NSL1: variants seen among roughly 807,000 people sequenced by gnomAD.
NSL1 encodes kinetochore-associated protein NSL1 homolog.
A neutral mutation model predicts 25.4 loss-of-function variants in NSL1; 11 were observed. That is an observed-to-expected ratio of 0.43 (90% CI 0.27 to 0.72). The LOEUF (loss-of-function observed/expected upper bound fraction) is 0.72, where lower values mean the gene tolerates loss of function less well. Among genes scored for constraint, NSL1 ranks in the 30% least tolerant of loss-of-function variants. The pLI is 0.19. For synonymous variants in NSL1, 118 were observed against 120.6 expected (o/e 0.98, Z 0.14); for missense variants, 330 against 342.7 (o/e 0.96, Z 0.29).
At position 212,735,325 on chromosome 1, in the gene NSL1, T is replaced by G; in HGVS notation, c.*3083A>C. 1.0e-6 allele frequency: 1 copy of G among 985,366 alleles called. No homozygotes were observed. Among genetic ancestry groups the G allele is most frequent in the Non-Finnish European group, 1.2e-6 (1 of 829,884 alleles). 61.0% of individuals were successfully genotyped at this position (985,366 alleles called of 1,614,324 possible). Reference sequence around the variant, plus strand: ...CTTTTGATCCGAGTAGGTGTCCAACTGTATGTGTTGAACAGATGAATAAAT... The same window carrying G: ...CTTTTGATCCGAGTAGGTGTCCAACGGTATGTGTTGAACAGATGAATAAAT... On this transcript the variant is annotated 3_prime_UTR_variant, in exon 6 of 6. Coordinates refer to ENST00000366977, the MANE Select transcript of NSL1 (RefSeq NM_015471.4).
chr1:212,779,137 T>G (rs1660541002), intron 4 of NSL1, among the ~76,000 whole-genome samples: 2 of 147,832 alleles, frequency 1.4e-5, no homozygotes, highest in South Asian at 4.4e-4. Context: ...AACCGCCCCA[T>G]CTGAGAAATG....
rs114619716 is a variant in NSL1 at position 212,740,878 on chromosome 1, C to T, written c.500-1277G>A. Among the ~76,000 whole-genome samples the T allele has an allele frequency of 3.8e-3, 575 of 152,076 alleles. 4 individuals are homozygous for T. Among genetic ancestry groups the T allele is most frequent in the African/African-American group, 0.013 (558 of 41,480 alleles). On this transcript the variant is annotated intron_variant, in intron 4 of 5. Transcript: ENST00000366977. ...AACAAAATTGATGGCATAGTGATTA[C>T]CATAATATAAAAACAATGAGTGTAA...
Position 212,731,103 on chromosome 1 carries a change from T to G in NSL1, c.*7305A>C. ...TCATATAAAATCCCCAAGAACCCCC[T>G]TCAGTGGTTCTCTAGAGAGATATTT... is the stretch of plus-strand genomic sequence containing the variant. On this transcript the variant is annotated 3_prime_UTR_variant, in exon 6 of 6. Transcript: ENST00000366977. 2.0e-6 allele frequency: 2 copies of G among 984,674 alleles called. No individual in the cohort carries two copies. Among genetic ancestry groups the G allele is most frequent in the South Asian group, 4.7e-5 (1 of 21,270 alleles). The allele number at this position is 984,674 out of a possible 1,614,324, so 61.0% of individuals were successfully genotyped here. A position where few individuals can be genotyped will look rare whatever the true frequency, so the allele number is the denominator to read the frequency against.
chr1:212,747,351 G>A (rs550387491), intron 4 of NSL1, among the ~76,000 whole-genome samples: 1 of 152,150 alleles, frequency 6.6e-6, no homozygotes, highest in Non-Finnish European at 1.5e-5. Flanking sequence ...CAGATCATTC[G>A]TCCTGCAAGA....
intron 4 of NSL1, chr1:212,766,274 C>T (rs1354587480): frequency 1.3e-5 from 8 of 630,278 alleles, no homozygotes; most frequent in Non-Finnish European, 2.0e-5. Context: ...CCGTTGAGAA[C>T]TGGAACAAGA....
At chr1:212,756,562 G>A (rs944744427) in intron 4 of NSL1, among the ~76,000 whole-genome samples, 10 of 152,190 alleles carry the variant, frequency 6.6e-5, no homozygotes, top group African/African-American at 2.4e-4. Flanking sequence ...GCTCATGCCT[G>A]TAATCCCAGA....
intron 4 of NSL1, among the ~76,000 whole-genome samples, chr1:212,745,806 T>C (rs1479878269): frequency 1.4e-5 from 2 of 144,588 alleles, no homozygotes; most frequent in Non-Finnish European, 3.0e-5. Flanking sequence ...CTACCAAAAA[T>C]ACAAAAAAAT....
chr1:212,733,985 T>A lies in NSL1; in HGVS notation c.*4423A>T, dbSNP rs1203647037. Among the ~76,000 whole-genome samples, 1 of 152,180 alleles carries A rather than the reference T, an allele frequency of 6.6e-6. No homozygotes were observed. Among genetic ancestry groups the A allele is most frequent in the Non-Finnish European group, 1.5e-5 (1 of 68,034 alleles). On this transcript the variant is annotated 3_prime_UTR_variant, in exon 6 of 6. Transcript: ENST00000366977. ...TTTTCTAATTTGCCATTTCTTAATC[T>A]TTCTGTTTTATTTTTGGGAAAATTT...
rs985697521 is a variant in NSL1, at chr1:212,732,768, G to A, written c.*5640C>T. 19 of 421,448 alleles carry A rather than the reference G, an allele frequency of 4.5e-5. No homozygotes were observed. The highest frequency in any genetic ancestry group is 6.5e-5 in the African/African-American group (3 of 46,272). The allele number at this position is 421,448 out of a possible 1,614,324, so 26.1% of individuals were successfully genotyped here. A position where few individuals can be genotyped will look rare whatever the true frequency, so the allele number is the denominator to read the frequency against. ...ACAGCCCCTGGTAGAACCCCCAAAC[G>A]GGATGCCTTGGAGGTAATTTTTTTT... is the stretch of plus-strand genomic sequence containing the variant. On this transcript the variant is annotated 3_prime_UTR_variant, in exon 6 of 6. Coordinates refer to ENST00000366977, the MANE Select transcript of NSL1 (RefSeq NM_015471.4).
rs371171734 is a variant in NSL1 at position 212,779,529 on chromosome 1, A to G, written c.499+2843T>C. On this transcript the variant is annotated intron_variant, in intron 4 of 5. Transcript: ENST00000366977. ...AGGTGGGGGGGTCAGCCCCCCGCCCAGCCAGCCGCCCCGTCCGGGAGGGAG... is the reference window on the plus strand; with the variant it reads ...AGGTGGGGGGGTCAGCCCCCCGCCCGGCCAGCCGCCCCGTCCGGGAGGGAG... Among the ~76,000 whole-genome samples the G allele has an allele frequency of 4.3e-4, 31 of 71,734 alleles. No individual in the cohort carries two copies. The East Asian group carries it at 4.7e-3, about 11-fold the overall frequency. The allele number at this position is 71,734 out of a possible 152,430, so 47.1% of individuals were successfully genotyped here.
chr1:212,731,159 A>C lies in NSL1; in HGVS notation c.*7249T>G, dbSNP rs556473156. Reference sequence around the variant, plus strand: ...TTCAGAGACTTTCATAATATAATCTATTTGCAAAACAAATGGTCAGAGGGG... The same window carrying C: ...TTCAGAGACTTTCATAATATAATCTCTTTGCAAAACAAATGGTCAGAGGGG... On this transcript the variant is annotated 3_prime_UTR_variant, in exon 6 of 6. Transcript: ENST00000366977. The C allele has an allele frequency of 4.5e-5, 40 of 887,590 alleles. 1 individual carries two copies. In the African/African-American group the frequency reaches 8.1e-4, roughly 18 times the overall value. The allele number at this position is 887,590 out of a possible 1,614,324, so 55.0% of individuals were successfully genotyped here.
intron 4 of NSL1, among the ~76,000 whole-genome samples, chr1:212,747,404 T>C (rs1186018296): frequency 2.6e-5 from 4 of 152,236 alleles, no homozygotes; most frequent in Non-Finnish European, 5.9e-5. Flanking sequence ...AGGCCCACGT[T>C]GTAAGGAACT....
intron 4 of NSL1, among the ~76,000 whole-genome samples, chr1:212,745,711 C>A (rs1658759461): frequency 2.0e-5 from 3 of 152,064 alleles, no homozygotes; most frequent in Admixed American, 6.6e-5. Flanking sequence ...GCCTATAATC[C>A]CAGCACTTTG....
Position 212,791,559 on chromosome 1 carries a change from G to C in NSL1, c.205C>G (p.Arg69Gly), listed in dbSNP as rs965327615. 6.2e-6 allele frequency: 10 copies of C among 1,613,778 alleles called. No homozygotes were observed. The highest frequency in any genetic ancestry group is 8.5e-6 in the Non-Finnish European group (10 of 1,180,000). ...KLGDALPEEIREPALRDAQWT... is the reference protein window; with the variant it reads ...KLGDALPEEIGEPALRDAQWT... ...TGCGCATCTCGCAGAGCGGGCTCCC[G>C]AATCTCCTCCGGCAGAGCGTCCCCG... is the stretch of plus-strand genomic sequence containing the variant. Residue 69 changes from arginine (R) to glycine (G), a missense_variant, in exon 1 of 6, where the codon CGG (arginine) becomes GGG (glycine). Physicochemically the swap from Arg to Gly is moderately radical, Grantham distance 125 (BLOSUM62 -2). Transcript: ENST00000366977.
At chr1:212,771,944 C>A (rs1453285510) in intron 4 of NSL1, among the ~76,000 whole-genome samples, 1 of 152,154 alleles carries the variant, frequency 6.6e-6, no homozygotes, top group Admixed American at 6.5e-5. Context: ...ACAGGAGGGA[C>A]CTGGTGGGAG....
At chr1:212,790,779 C>CGGGCCTG (rs953050854) in intron 1 of NSL1, among the ~76,000 whole-genome samples, 2 of 151,938 alleles carry the variant, frequency 1.3e-5, no homozygotes, top group African/African-American at 4.8e-5. Context: ...AAAAATTAGC[C>CGGGCCTG]GGGCGTGGTG....
chr1:212,753,281 T>C (rs1017459364), intron 4 of NSL1, among the ~76,000 whole-genome samples: 1 of 152,362 alleles, frequency 6.6e-6, no homozygotes, highest in African/African-American at 2.4e-5. Flanking sequence ...AGCCAAGTTT[T>C]TGACATTGTC....
At position 212,762,321 on chromosome 1, in the gene NSL1, A is replaced by AAG. The variant is rs1300112712; in HGVS notation, c.499+20050_499+20051insCT. Among the ~76,000 whole-genome samples the AAG allele has an allele frequency of 1.2e-3, 177 of 151,794 alleles. 1 individual carries two copies. Among genetic ancestry groups the AAG allele is most frequent in the African/African-American group, 4.1e-3 (171 of 41,354 alleles). On this transcript the variant is annotated intron_variant, in intron 4 of 5. Transcript: ENST00000366977. ...TTAAAAGAAACAAAAAAAAAAAAAA[A>AAG]AAAAAGAAAAGAAGTTTACGAATTT...
chr1:212,781,411 T>C (rs145854223), intron 4 of NSL1, among the ~76,000 whole-genome samples: 47 of 152,338 alleles, frequency 3.1e-4, no homozygotes, highest in African/African-American at 9.9e-4. Context: ...CCACTGCATA[T>C]TGGCAACTAC....
Sources: gnomAD v4.1 joint callset for allele counts (sites outside exome capture counted in the v4.1 genomes callset) on GRCh38, gnomAD v4.1.1 for gene constraint, MANE v1.5 for transcripts, NCBI Gene and HGNC (gene_info 2026-07-23, HGNC 2026-07-21) for gene names.